Variants in PIP4K2C observed in about 807,000 individuals in gnomAD.
The protein encoded by PIP4K2C is phosphatidylinositol-5-phosphate 4-kinase type 2 gamma.
PIP4K2C carries 21 observed loss-of-function variants against 45.0 expected under a neutral mutation model. The ratio of observed to expected loss-of-function variants is 0.47; its 90% CI spans 0.33 to 0.67. The LOEUF (loss-of-function observed/expected upper bound fraction) is 0.67, where lower values mean the gene tolerates loss of function less well. Among genes scored for constraint, PIP4K2C ranks in the 30% least tolerant of loss-of-function variants. The probability of loss-of-function intolerance (pLI) is 0.02; values close to 1 mark genes in which losing one functional copy is unlikely to be tolerated. For missense variants in PIP4K2C, 456 were observed against 542.8 expected (o/e 0.84, Z 1.59); for synonymous variants, 201 against 204.8 (o/e 0.98, Z 0.16).
chr12:57,597,609 C>A (rs980398821), intron 4 of PIP4K2C, among the ~76,000 whole-genome samples: 1 of 151,876 alleles, frequency 6.6e-6, no homozygotes, highest in African/African-American at 2.4e-5. Flanking sequence ...GCTATAGATA[C>A]GATTATTGTA....
intron 1 of PIP4K2C, among the ~76,000 whole-genome samples, chr12:57,593,707 T>G (rs867923152): frequency 1.1e-5 from 1 of 94,124 alleles, no homozygotes; most frequent in Non-Finnish European, 2.3e-5. Context: ...TTTTTTTTTT[T>G]CTAGAATTTC....
chr12:57,601,589 A>G lies in PIP4K2C; in HGVS notation c.1249A>G (p.Thr417Ala), dbSNP rs754540202. ...QYAKRFLDFI[T>A]NIFA ...TGCTAAGCGATTCCTGGATTTTATT[A>G]CCAACATCTTTGCCTAAGAGACTGC... The change falls in exon 10 of 10, where the codon ACC becomes GCC. Residue 417 changes from threonine (T) to alanine (A), a missense_variant. Around this residue, in one of 2 missense-constraint regions of PIP4K2C, gnomAD observed 35 missense variants for 69.7 expected, o/e 0.50. Coordinates refer to ENST00000354947, the MANE Select transcript of PIP4K2C (RefSeq NM_024779.5). 1 of 1,611,284 alleles carries G rather than the reference A, an allele frequency of 6.2e-7. No individual in the cohort carries two copies. Among genetic ancestry groups the G allele is most frequent in the East Asian group, 2.2e-5 (1 of 44,868 alleles).
In PIP4K2C at chr12:57,600,935, G is replaced by A. The variant is rs748846138; in HGVS notation, c.938G>A (p.Cys313Tyr). The A allele has an allele frequency of 5.3e-5, 86 of 1,614,076 alleles. No individual in the cohort carries two copies. The highest frequency in any genetic ancestry group is 7.1e-5 in the Non-Finnish European group (84 of 1,180,054). ...REDESEVDGD[C>Y]SLTGPPALVG... is the part of the protein sequence containing the mutation. Reference sequence around the variant, plus strand: ...GATGAGTCAGAGGTGGATGGGGACTGCAGCCTGACTGGACCTCCTGCTCTG... The same window carrying A: ...GATGAGTCAGAGGTGGATGGGGACTACAGCCTGACTGGACCTCCTGCTCTG... Residue 313 changes from cysteine (C) to tyrosine (Y), a missense_variant, in exon 8 of 10, where the codon TGC becomes TAC. Physicochemically the swap from Cys to Tyr is radical, Grantham distance 194. This residue lies in a region of PIP4K2C where 421 missense variants were observed against 473.1 expected (regional missense o/e 0.89). Coordinates refer to ENST00000354947, the MANE Select transcript of PIP4K2C (RefSeq NM_024779.5).
intron 1 of PIP4K2C, among the ~76,000 whole-genome samples, chr12:57,593,673 G>A (rs1426551475): frequency 2.0e-5 from 2 of 101,094 alleles, no homozygotes; most frequent in Admixed American, 1.2e-4. Flanking sequence ...TGAGCTTGCA[G>A]AGTTTTTTTT....
In PIP4K2C at chr12:57,603,383, C is replaced by G. The variant is rs1459404312; in HGVS notation, c.*1777C>G. The stretch of plus-strand genomic sequence containing the variant: ...AAAATTTATGTATTTGCTCCTGTTA[C>G]TATAATAATACAGGGAATAAATTAT... On this transcript the variant is annotated 3_prime_UTR_variant, in exon 10 of 10. Coordinates refer to ENST00000354947, the MANE Select transcript of PIP4K2C (RefSeq NM_024779.5). The G allele has an allele frequency of 4.0e-5, 6 of 149,202 alleles. No individual in the cohort carries two copies. The highest frequency in any genetic ancestry group is 8.9e-5 in the Non-Finnish European group (6 of 67,548). 9.2% of individuals were successfully genotyped at this position (149,202 alleles called of 1,614,324 possible). A position where few individuals can be genotyped will look rare whatever the true frequency, so the allele number is the denominator to read the frequency against.
At chr12:57,593,390 C>T (rs554584243) in intron 1 of PIP4K2C, among the ~76,000 whole-genome samples, 13 of 152,194 alleles carry the variant, frequency 8.5e-5, no homozygotes, top group African/African-American at 2.9e-4. Context: ...AGGGAACAGA[C>T]GCCTAATGAG....
At chr12:57,595,329 C>A in intron 3 of PIP4K2C, 107 bp downstream of exon 3, 1 of 772,508 alleles carries the variant, frequency 1.3e-6, no homozygotes, top group Non-Finnish European at 2.2e-6. Context: ...AAATATAATT[C>A]TTTACCTTTT....
Position 57,591,266 on chromosome 12 carries a change from A to C in PIP4K2C, c.-24A>C, listed in dbSNP as rs376134772. On this transcript the variant is annotated 5_prime_UTR_variant, in exon 1 of 10. Coordinates refer to ENST00000354947, the MANE Select transcript of PIP4K2C (RefSeq NM_024779.5). ...TGGATAGCTGCCGGCTCCGGCTTCCACTTGGTCGGTTGCGCGGGAGACTAT... is the reference window on the plus strand; with the variant it reads ...TGGATAGCTGCCGGCTCCGGCTTCCCCTTGGTCGGTTGCGCGGGAGACTAT... The C allele has an allele frequency of 4.4e-6, 7 of 1,587,918 alleles. No homozygotes were observed. The highest frequency in any genetic ancestry group is 6.0e-6 in the Non-Finnish European group (7 of 1,162,880).
Position 57,599,201 on chromosome 12 carries a change from A to G in PIP4K2C, c.650A>G (p.Tyr217Cys), listed in dbSNP as rs1351867852. ...CACCGTCTTCCTGTGCACAGGAAGTATGACCTCAAGGTAAGAAGAGGGTAG... is the reference window on the plus strand; with the variant it reads ...CACCGTCTTCCTGTGCACAGGAAGTGTGACCTCAAGGTAAGAAGAGGGTAG... The part of the protein sequence containing the change: ...FSHRLPVHRK[Y>C]DLKGSLVSRE... Residue 217 changes from tyrosine (Y) to cysteine (C), a missense_variant, in exon 5 of 10, where the codon TAT becomes TGT. Transcript: ENST00000354947. 1.2e-6 allele frequency: 2 copies of G among 1,614,166 alleles called. No individual in the cohort carries two copies. Among genetic ancestry groups the G allele is most frequent in the Non-Finnish European group, 1.7e-6 (2 of 1,179,996 alleles).
intron 1 of PIP4K2C, 112 bp downstream of exon 1, chr12:57,591,575 C>CAA: frequency 7.7e-7 from 1 of 1,300,468 alleles, no homozygotes; most frequent in South Asian, 1.6e-5. Flanking sequence ...TCCCCTCCCC[C>CAA]GGGTTGTCTT....
At chr12:57,595,641 T>C (rs1330300060) in intron 3 of PIP4K2C, among the ~76,000 whole-genome samples, 2 of 149,626 alleles carry the variant, frequency 1.3e-5, no homozygotes, top group Non-Finnish European at 3.0e-5. Context: ...AGGCGAAGGT[T>C]GCAATGAGCT....
intron 3 of PIP4K2C, among the ~76,000 whole-genome samples, 189 bp from the exon 4 acceptor site, chr12:57,595,699 T>C (rs1883160704): frequency 1.5e-5 from 1 of 66,684 alleles, no homozygotes; most frequent in South Asian, 8.8e-4. Context: ...CGAGACTCCT[T>C]GTCAAAAAAA....
At chr12:57,596,734 G>A (rs75280852) in intron 4 of PIP4K2C, among the ~76,000 whole-genome samples, 148 of 152,312 alleles carry the variant, frequency 9.7e-4, no homozygotes, top group Admixed American at 2.2e-3. Flanking sequence ...GGCCCTTACA[G>A]ATCCCTTGGT....
At chr12:57,598,540 A>T (rs1201679570) in intron 4 of PIP4K2C, among the ~76,000 whole-genome samples, 1 of 147,258 alleles carries the variant, frequency 6.8e-6, no homozygotes, top group Non-Finnish European at 1.5e-5. Flanking sequence ...AAAAAAAAAA[A>T]AAAATCCAAA....
Position 57,594,121 on chromosome 12 carries a change from A to G in PIP4K2C, c.271A>G (p.Arg91Gly), listed in dbSNP as rs1041443278. 2.5e-6 allele frequency: 4 copies of G among 1,611,132 alleles called. No homozygotes were observed. Among genetic ancestry groups the G allele is most frequent in the Non-Finnish European group, 3.4e-6 (4 of 1,178,194 alleles). ...CAAGGTCAACAATCACCTTTTCCAC[A>G]GGTAAGTGATGATCCTTGCCATTCT... ...KIKVNNHLFH[R>G]ENLPSHFKFK... The change falls in exon 2 of 10, where the codon AGG (arginine) becomes GGG (glycine). Residue 91 changes from arginine to glycine, a missense_variant and splice_region_variant. Transcript: ENST00000354947.
In PIP4K2C at chr12:57,601,047, C is replaced by T; in HGVS notation, c.1050C>T (p.Phe350=). ...RPLGPGEFES[F]IDVYAIRSAE... ...TGGGCCCAGGAGAGTTTGAGTCCTT[C>T]ATTGATGTCTATGCCATCCGGAGTG... is the stretch of plus-strand genomic sequence containing the variant. Residue 350 remains phenylalanine (F), a synonymous_variant, in exon 8 of 10, where the codon TTC becomes TTT. Transcript: ENST00000354947. The T allele has an allele frequency of 6.2e-7, 1 of 1,613,804 alleles. No homozygotes were observed. Among genetic ancestry groups the T allele is most frequent in the South Asian group, 1.1e-5 (1 of 91,080 alleles).
At chr12:57,595,456 A>G (rs1219706387) in intron 3 of PIP4K2C, among the ~76,000 whole-genome samples, 4 of 152,144 alleles carry the variant, frequency 2.6e-5, no homozygotes, top group African/African-American at 4.8e-5. Context: ...TGTAATCCCA[A>G]CACTTTGGGA....
At chr12:57,595,302 G>A in intron 3 of PIP4K2C, 80 bp downstream of exon 3, 1 of 892,598 alleles carries the variant, frequency 1.1e-6, no homozygotes, top group Non-Finnish European at 1.8e-6. Flanking sequence ...CATATTTGGA[G>A]AAATGAGAGT....
chr12:57,599,620 A>G (rs558865391), intron 6 of PIP4K2C, among the ~76,000 whole-genome samples, 182 bp downstream of exon 6: 1 of 152,286 alleles, frequency 6.6e-6, no homozygotes, highest in Admixed American at 6.5e-5. Context: ...TGGAAGGGGC[A>G]GTGGGAGCAG....
Sources: allele counts gnomAD v4.1 joint callset (sites outside exome capture counted in the v4.1 genomes callset), GRCh38; gene constraint gnomAD v4.1.1; regional missense constraint gnomAD v4.1.1; transcripts MANE v1.5; gene names NCBI Gene and HGNC (gene_info 2026-07-23, HGNC 2026-07-21).